The following ERBB4 variants were observed in gnomAD, a reference collection of about 807,000 sequenced individuals.
The protein encoded by ERBB4 is receptor tyrosine-protein kinase erbB-4.
A neutral mutation model predicts 158.0 loss-of-function variants in ERBB4; 42 were observed. That is an observed-to-expected ratio of 0.27 (90% CI 0.21 to 0.34). The LOEUF is 0.34. ERBB4 is among the 10% of genes least tolerant of loss of function. ERBB4 has a pLI of 1.00. For synonymous variants in ERBB4, 583 were observed against 558.7 expected (o/e 1.04, Z -0.61); for missense variants, 1,333 against 1,624.1 (o/e 0.82, Z 3.08).
chr2:212,022,391 A>G (rs374110348), intron 2 of ERBB4, among the ~76,000 whole-genome samples: 1 of 152,178 alleles, frequency 6.6e-6, no homozygotes, highest in Non-Finnish European at 1.5e-5. Context: ...AGGGACGTGG[A>G]TGAAGCTGGA....
At chr2:212,047,018 T>C (rs1485271576) in intron 2 of ERBB4, among the ~76,000 whole-genome samples, 1 of 152,274 alleles carries the variant, frequency 6.6e-6, no homozygotes, top group South Asian at 2.1e-4. Flanking sequence ...AAATAATTCA[T>C]ACAAAGGATA....
chr2:212,049,763 T>C (rs964179460), intron 2 of ERBB4, among the ~76,000 whole-genome samples: 3 of 152,208 alleles, frequency 2.0e-5, no homozygotes, highest in Non-Finnish European at 4.4e-5. Context: ...AGGTAATGTC[T>C]TTGTCTTCAC....
At chr2:212,448,444 C>G (rs2092396322) in intron 1 of ERBB4, among the ~76,000 whole-genome samples, 1 of 152,138 alleles carries the variant, frequency 6.6e-6, no homozygotes, top group Non-Finnish European at 1.5e-5. Context: ...ATCTACAAAT[C>G]CAAAGAACAA....
intron 1 of ERBB4, among the ~76,000 whole-genome samples, chr2:212,343,293 T>C (rs1320358118): frequency 6.6e-6 from 1 of 152,162 alleles, no homozygotes; most frequent in African/African-American, 2.4e-5. Context: ...CATGTGAAAA[T>C]GAAGTCAATG....
At chr2:212,372,052 C>A (rs2090106243) in intron 1 of ERBB4, among the ~76,000 whole-genome samples, 1 of 151,820 alleles carries the variant, frequency 6.6e-6, no homozygotes, top group Non-Finnish European at 1.5e-5. Flanking sequence ...AACAAGAAGA[C>A]CTGGGCCTTA....
chr2:212,034,449 C>T (rs993079340), intron 2 of ERBB4, among the ~76,000 whole-genome samples: 5 of 151,928 alleles, frequency 3.3e-5, no homozygotes, highest in Admixed American at 2.0e-4. Flanking sequence ...TTATGATTCC[C>T]AGCTAATGGA....
At chr2:211,585,431 C>G (rs1020283509) in intron 19 of ERBB4, among the ~76,000 whole-genome samples, 2 of 151,590 alleles carry the variant, frequency 1.3e-5, no homozygotes, top group Non-Finnish European at 2.9e-5. Flanking sequence ...CCAAATCTAC[C>G]TAACTTTTGT....
At chr2:212,406,720 T>C (rs1050640230) in intron 1 of ERBB4, among the ~76,000 whole-genome samples, 9 of 152,160 alleles carry the variant, frequency 5.9e-5, no homozygotes, top group African/African-American at 1.7e-4. Flanking sequence ...TGGGATAATG[T>C]ATTTGTGAGT....
chr2:211,992,501 C>CAGAGAGGGAAGTGAGGGAAGA (rs2082097731), intron 2 of ERBB4, among the ~76,000 whole-genome samples: 1 of 139,258 alleles, frequency 7.2e-6, no homozygotes, highest in Non-Finnish European at 1.5e-5. Flanking sequence ...CAAACCATAT[C>CAGAGAGGGAAGTGAGGGAAGA]AGAGAGGGAA....
intron 19 of ERBB4, among the ~76,000 whole-genome samples, chr2:211,580,782 A>C (rs2068044210): frequency 2.3e-5 from 1 of 43,218 alleles, no homozygotes; most frequent in Non-Finnish European, 3.9e-5. Flanking sequence ...AGATAAAGAA[A>C]TTGTGATATA....
chr2:212,481,925 T>C (rs897170705), intron 1 of ERBB4, among the ~76,000 whole-genome samples: 3 of 152,232 alleles, frequency 2.0e-5, no homozygotes, highest in Non-Finnish European at 4.4e-5. Context: ...AGAGAGTTAT[T>C]GCTTTTAAGT....
chr2:211,576,091 T>C (rs954884147), intron 19 of ERBB4, among the ~76,000 whole-genome samples: 9 of 63,506 alleles, frequency 1.4e-4, no homozygotes, highest in African/African-American at 2.9e-4. Flanking sequence ...GTTAATGTTA[T>C]TTATTATTTT....
At chr2:211,911,493 T>C (rs2079540319) in intron 3 of ERBB4, among the ~76,000 whole-genome samples, 1 of 152,036 alleles carries the variant, frequency 6.6e-6, no homozygotes, top group Non-Finnish European at 1.5e-5. Flanking sequence ...CTCCAGCTCC[T>C]GGGTTCAAGC....
At chr2:212,306,870 A>C (rs1330326278) in intron 1 of ERBB4, among the ~76,000 whole-genome samples, 4 of 151,092 alleles carry the variant, frequency 2.6e-5, no homozygotes, top group Non-Finnish European at 5.9e-5. Context: ...ATAAAAACCA[A>C]TTAAAATTAC....
intron 20 of ERBB4, among the ~76,000 whole-genome samples, chr2:211,518,315 G>A (rs115668315): frequency 0.012 from 1,899 of 152,152 alleles, 19 homozygotes; most frequent in South Asian, 0.031. Flanking sequence ...TGCAAAGGAA[G>A]TAAGAACAAT....
chr2:212,106,328 A>G (rs1481363610), intron 2 of ERBB4, among the ~76,000 whole-genome samples: 1 of 152,142 alleles, frequency 6.6e-6, no homozygotes, highest in Non-Finnish European at 1.5e-5. Context: ...AGCAAAGGTA[A>G]CTCTTGTTAT....
intron 2 of ERBB4, among the ~76,000 whole-genome samples, chr2:211,971,334 G>A (rs1377375262): frequency 6.6e-6 from 1 of 151,842 alleles, no homozygotes; most frequent in East Asian, 1.9e-4. Context: ...ATGAATTCCT[G>A]GACTCTCCCA....
At chr2:212,506,677 G>C (rs986216960) in intron 1 of ERBB4, among the ~76,000 whole-genome samples, 2 of 152,152 alleles carry the variant, frequency 1.3e-5, no homozygotes, top group Non-Finnish European at 2.9e-5. Flanking sequence ...TTCCACGAAG[G>C]CTGAGAGAGG....
intron 20 of ERBB4, among the ~76,000 whole-genome samples, chr2:211,432,234 G>A (rs1472825210): frequency 1.3e-5 from 2 of 152,134 alleles, no homozygotes; most frequent in Non-Finnish European, 2.9e-5. Flanking sequence ...GGACTTTGAA[G>A]GATTAATGGT....
Sources: gnomAD v4.1 joint callset for allele counts (sites outside exome capture counted in the v4.1 genomes callset) on GRCh38, gnomAD v4.1.1 for gene constraint, MANE v1.5 for transcripts, NCBI Gene and HGNC (gene_info 2026-07-23, HGNC 2026-07-21) for gene names.